The following C2CD5 variants were observed in gnomAD, a reference collection of about 807,000 sequenced individuals.
C2CD5 encodes the protein C2 domain-containing protein 5.
In C2CD5, 109 loss-of-function variants were observed where a neutral mutation model predicts 130.3. The observed-to-expected ratio is 0.84, with a 90% CI of 0.72 to 0.98. C2CD5 has a LOEUF of 0.98. Ranked by LOEUF, C2CD5 falls within the 50% of genes least tolerant of loss-of-function variation. The probability of loss-of-function intolerance (pLI) is 0.00; values close to 1 mark genes in which losing one functional copy is unlikely to be tolerated. For synonymous variants in C2CD5, 454 were observed against 429.2 expected (o/e 1.06, Z -0.71); for missense variants, 996 against 1,261.8 (o/e 0.79, Z 3.19).
chr12:22,465,705 C>A (rs1252364851), intron 22 of C2CD5, among the ~76,000 whole-genome samples: 2 of 151,890 alleles, frequency 1.3e-5, no homozygotes, highest in African/African-American at 4.8e-5. Flanking sequence ...TCTTGAAAAT[C>A]ATTTCAGAGA....
chr12:22,536,010 T>C (rs1271760101), intron 2 of C2CD5, among the ~76,000 whole-genome samples: 1 of 152,122 alleles, frequency 6.6e-6, no homozygotes, highest in Non-Finnish European at 1.5e-5. Context: ...TATCTGTCAA[T>C]ATGGAACTAA....
chr12:22,528,217 G>A (rs1033037997), intron 3 of C2CD5, among the ~76,000 whole-genome samples: 3 of 152,076 alleles, frequency 2.0e-5, no homozygotes, highest in African/African-American at 4.8e-5. Flanking sequence ...AATGCCTAAG[G>A]AATGTCATAT....
intron 10 of C2CD5, chr12:22,502,673 T>A: frequency 1.2e-6 from 1 of 866,580 alleles, no homozygotes; most frequent in Non-Finnish European, 1.8e-6. Flanking sequence ...AGAACATTTC[T>A]AAAAACTTCA....
chr12:22,537,330 T>C (rs940689575), intron 2 of C2CD5, among the ~76,000 whole-genome samples: 3 of 152,138 alleles, frequency 2.0e-5, no homozygotes, highest in Non-Finnish European at 4.4e-5. Context: ...CAAGAGGAGC[T>C]TGAAGCCAGG....
chr12:22,478,675 G>C (rs910636108), intron 14 of C2CD5, among the ~76,000 whole-genome samples, 198 bp from the exon 15 acceptor site: 3 of 151,878 alleles, frequency 2.0e-5, no homozygotes, highest in South Asian at 4.1e-4. Context: ...GTGAAACCCC[G>C]TCTCTCCTAA....
rs1949586145 is a variant in C2CD5 at position 22,515,119 on chromosome 12, C to T, written c.953-1740G>A. On this transcript the variant is annotated intron_variant, in intron 8 of 26. Transcript: ENST00000446597. ...AAGAGAGAGAGGGGGAGCTGGGACA[C>T]AGGTAAATCCTAGGTCCCTGTGGGT... The T allele has an allele frequency of 3.0e-6, 3 of 985,022 alleles. No homozygotes were observed. In the South Asian group the frequency reaches 1.4e-4, roughly 46 times the overall value. The allele number at this position is 985,022 out of a possible 1,614,324, so 61.0% of individuals were successfully genotyped here.
chr12:22,505,845 A>C (rs559459464), intron 10 of C2CD5, among the ~76,000 whole-genome samples: 73 of 151,126 alleles, frequency 4.8e-4, no homozygotes, highest in African/African-American at 1.6e-3. Context: ...AAGAAACTGA[A>C]GGACCAGATG....
intron 10 of C2CD5, among the ~76,000 whole-genome samples, chr12:22,501,772 A>G (rs907771721): frequency 6.6e-6 from 1 of 152,104 alleles, no homozygotes; most frequent in Non-Finnish European, 1.5e-5. Flanking sequence ...GATTTACTTC[A>G]TAGTCAAACA....
At chr12:22,490,957 C>T (rs1946268715) in intron 11 of C2CD5, among the ~76,000 whole-genome samples, 4 of 152,118 alleles carry the variant, frequency 2.6e-5, no homozygotes, top group Admixed American at 2.6e-4. Context: ...AAGGGAGGAA[C>T]AGTCACTTGA....
rs1230318535 is a variant in C2CD5, at chr12:22,470,928, A to G, written c.2359-17T>C. 1.3e-6 allele frequency: 2 copies of G among 1,563,656 alleles called. No individual in the cohort carries two copies. The highest frequency in any genetic ancestry group is 2.7e-5 in the African/African-American group (2 of 73,594). On this transcript the variant is annotated splice_polypyrimidine_tract_variant and intron_variant, in intron 20 of 26. Coordinates refer to ENST00000446597, the MANE Select transcript of C2CD5 (RefSeq NM_001286176.2). The stretch of plus-strand genomic sequence containing the variant: ...GACTGTAACCTAGAATTATAAAAAC[A>G]ATAATGGTTAGCAAAATAATCACTG...
At chr12:22,526,405 T>A (rs7298291) in intron 4 of C2CD5, among the ~76,000 whole-genome samples, 23,868 of 152,078 alleles carry the variant, frequency 0.16, 3,768 homozygotes, top group African/African-American at 0.41. Context: ...AAGGAAGAAA[T>A]TTTTAATAAA....
At chr12:22,457,880 T>C (rs760116825) in intron 24 of C2CD5, among the ~76,000 whole-genome samples, 3 of 152,156 alleles carry the variant, frequency 2.0e-5, no homozygotes, top group African/African-American at 7.2e-5. Context: ...GCTATTAAAA[T>C]GGCACTTCTA....
intron 22 of C2CD5, chr12:22,463,638 G>A (rs1419130427): frequency 1.3e-5 from 2 of 152,104 alleles, no homozygotes; most frequent in African/African-American, 2.4e-5. Flanking sequence ...CAAGTGTTTT[G>A]TCACAGTAGT....
In C2CD5 at chr12:22,469,786, T is replaced by C; in HGVS notation, c.2456A>G (p.Asp819Gly). 8 of 1,596,310 alleles carry C rather than the reference T, an allele frequency of 5.0e-6. No individual in the cohort carries two copies. Among genetic ancestry groups the C allele is most frequent in the Non-Finnish European group, 6.8e-6 (8 of 1,169,678 alleles). ...VEKSLQRAST[D>G]NEELLQFPLE... ...TGGAAATTGTAAAAGTTCTTCATTATCTGTTGAGGCTAGAAAGGCAAGAAA... is the reference window on the plus strand; with the variant it reads ...TGGAAATTGTAAAAGTTCTTCATTACCTGTTGAGGCTAGAAAGGCAAGAAA... The change falls in exon 22 of 27, where the codon GAT (aspartate) becomes GGT (glycine). Residue 819 changes from aspartate (D) to glycine (G), a missense_variant. Asp to Gly is a moderately conservative substitution (Grantham distance 94, BLOSUM62 -1). Coordinates refer to ENST00000446597, the MANE Select transcript of C2CD5 (RefSeq NM_001286176.2).
At chr12:22,515,418 A>G (rs1949621854) in intron 8 of C2CD5, among the ~76,000 whole-genome samples, 1 of 152,168 alleles carries the variant, frequency 6.6e-6, no homozygotes, top group African/African-American at 2.4e-5. Context: ...ATTTTATGTG[A>G]TTCTAATAAC....
At chr12:22,469,636 T>G in intron 22 of C2CD5, 73 bp downstream of exon 22, 1 of 808,980 alleles carries the variant, frequency 1.2e-6, no homozygotes, top group Non-Finnish European at 1.9e-6. Flanking sequence ...TAGTAAGATT[T>G]CCTATAATGA....
At chr12:22,503,499 C>T (rs762328558) in intron 10 of C2CD5, among the ~76,000 whole-genome samples, 1 of 151,940 alleles carries the variant, frequency 6.6e-6, no homozygotes. Context: ...TAAAACAATC[C>T]GAAGAATGTG....
intron 16 of C2CD5, among the ~76,000 whole-genome samples, chr12:22,473,474 G>A (rs1333953650): frequency 6.6e-6 from 1 of 151,972 alleles, no homozygotes; most frequent in African/African-American, 2.4e-5. Context: ...TCCCCAAAAC[G>A]TTCCACACCC....
intron 7 of C2CD5, among the ~76,000 whole-genome samples, chr12:22,522,538 G>C (rs1950361501): frequency 1.3e-5 from 2 of 152,118 alleles, no homozygotes; most frequent in South Asian, 4.1e-4. Flanking sequence ...ATAGGGATCA[G>C]CAAACTCCTT....
Sources: allele counts gnomAD v4.1 joint callset (sites outside exome capture counted in the v4.1 genomes callset), GRCh38; gene constraint gnomAD v4.1.1; transcripts MANE v1.5; gene names NCBI Gene and HGNC (gene_info 2026-07-23, HGNC 2026-07-21).